Variants in CCDC198 observed in about 807,000 individuals in gnomAD.
The protein encoded by CCDC198 is factor associated with metabolism and energy.
A neutral mutation model predicts 35.6 loss-of-function variants in CCDC198; 18 were observed. The observed-to-expected ratio is 0.51, with a 90% CI of 0.35 to 0.75. The LOEUF (loss-of-function observed/expected upper bound fraction) is 0.75. Ranked by LOEUF, CCDC198 falls within the 30% of genes least tolerant of loss-of-function variation. The pLI, the probability that CCDC198 is intolerant of heterozygous loss-of-function variation, is 0.01. For missense variants in CCDC198, 365 were observed against 343.7 expected (o/e 1.06, Z -0.49); for synonymous variants, 119 against 113.4 (o/e 1.05, Z -0.31).
At position 57,470,814 on chromosome 14, in the gene CCDC198, A is replaced by G. The variant is rs1327717086; in HGVS notation, c.*541T>C. 1 of 152,886 alleles carries G rather than the reference A, an allele frequency of 6.5e-6. No individual in the cohort carries two copies. Among genetic ancestry groups the G allele is most frequent in the East Asian group, 1.9e-4 (1 of 5,208 alleles). 9.5% of individuals were successfully genotyped at this position (152,886 alleles called of 1,614,324 possible). On this transcript the variant is annotated 3_prime_UTR_variant, in exon 6 of 6. Transcript: ENST00000216445. The stretch of plus-strand genomic sequence containing the variant: ...CAACAGAACATGGTGGAAGTGATGC[A>G]AAGTCAGTTCTATGACTAGCTTTTA...
At chr14:57,490,899 C>G in intron 2 of CCDC198, 90 bp downstream of exon 2, 1 of 1,210,048 alleles carries the variant, frequency 8.3e-7, no homozygotes, top group South Asian at 1.4e-5. Flanking sequence ...TGGTCCTTAT[C>G]AATATCCCTC....
chr14:57,493,727 G>C lies in CCDC198; in HGVS notation c.-12C>G, dbSNP rs781698817. Reference sequence around the variant, plus strand: ...TGACTCAGGCCCATTTCATGTGAAAGACATTCAGAGGAAAGCTGCGAGGGA... The same window carrying C: ...TGACTCAGGCCCATTTCATGTGAAACACATTCAGAGGAAAGCTGCGAGGGA... On this transcript the variant is annotated 5_prime_UTR_variant, in exon 1 of 6. Coordinates refer to ENST00000216445, the MANE Select transcript of CCDC198 (RefSeq NM_018168.4). The C allele has an allele frequency of 6.2e-7, 1 of 1,607,694 alleles. No homozygotes were observed. The highest frequency in any genetic ancestry group is 1.3e-5 in the African/African-American group (1 of 74,856).
intron 4 of CCDC198, 126 bp from the exon 5 acceptor site, chr14:57,480,880 A>T: frequency 1.1e-6 from 1 of 910,162 alleles, no homozygotes; most frequent in South Asian, 1.8e-5. Context: ...TCTAACCAGA[A>T]CATGGTTTTC....
chr14:57,486,489 AATTC>A (rs1049358690), intron 2 of CCDC198, among the ~76,000 whole-genome samples: 1 of 152,020 alleles, frequency 6.6e-6, no homozygotes, highest in African/African-American at 2.4e-5. Flanking sequence ...AAAAAAAAGA[AATTC>A]TTGGCCCCTT....
rs896598705 is a variant in CCDC198 at position 57,483,299 on chromosome 14, A to C, written c.307-148T>G. On this transcript the variant is annotated intron_variant, in intron 2 of 5. Coordinates refer to ENST00000216445, the MANE Select transcript of CCDC198 (RefSeq NM_018168.4). ...GGAAAGGTGATTCTAACAGCATTAC[A>C]GTTATATTGGTACAAAGGGCTTTTC... 5.0e-6 allele frequency: 6 copies of C among 1,197,308 alleles called. No individual in the cohort carries two copies. The African/African-American group carries it at 7.6e-5, about 15-fold the overall frequency. 74.2% of individuals were successfully genotyped at this position (1,197,308 alleles called of 1,614,324 possible). A position where few individuals can be genotyped will look rare whatever the true frequency, so the allele number is the denominator to read the frequency against.
At chr14:57,477,540 A>G in intron 5 of CCDC198, among the ~76,000 whole-genome samples, 1 of 152,228 alleles carries the variant, frequency 6.6e-6, no homozygotes, top group African/African-American at 2.4e-5. Flanking sequence ...AGATTCTCAT[A>G]CGGTTAAAGT....
chr14:57,471,553 T>C lies in CCDC198; in HGVS notation c.693A>G (p.Ala231=), dbSNP rs2066819416. The C allele has an allele frequency of 6.2e-7, 1 of 1,601,678 alleles. No individual in the cohort carries two copies. The highest frequency in any genetic ancestry group is 8.5e-7 in the Non-Finnish European group (1 of 1,175,864). The change falls in exon 6 of 6, where the codon GCA becomes GCG. Residue 231 remains alanine, a synonymous_variant. Coordinates refer to ENST00000216445, the MANE Select transcript of CCDC198 (RefSeq NM_018168.4). ...TTTTCCAGGGACAGTAGTTATTCAC[T>C]GCTTGATGTTTCAAAAATTCTGTAT... ...SKNTEFLKHQ[A]VNNYCPWKIG...
chr14:57,477,800 C>T (rs983129206), intron 5 of CCDC198, among the ~76,000 whole-genome samples: 5 of 152,080 alleles, frequency 3.3e-5, no homozygotes, highest in Admixed American at 2.6e-4. Context: ...TGGGTTCAAG[C>T]GATTCTCTTG....
chr14:57,490,793 G>GTCTTAAA (rs1321641339), intron 2 of CCDC198, 196 bp downstream of exon 2: 2 of 564,490 alleles, frequency 3.5e-6, no homozygotes, highest in Non-Finnish European at 6.0e-6. Context: ...TCGGTGGCTG[G>GTCTTAAA]TCTTAAAAGC....
At chr14:57,475,546 C>CA in intron 5 of CCDC198, 1 of 631,650 alleles carries the variant, frequency 1.6e-6, no homozygotes, top group Non-Finnish European at 2.4e-6. Context: ...GTCTCTACTA[C>CA]AAATACAAAA....
At chr14:57,487,645 C>A (rs1594813531) in intron 2 of CCDC198, among the ~76,000 whole-genome samples, 2 of 152,274 alleles carry the variant, frequency 1.3e-5, no homozygotes, top group Admixed American at 6.5e-5. Context: ...AACGCTAGTT[C>A]ATGACTTGCT....
chr14:57,486,556 T>G (rs1019767030), intron 2 of CCDC198, among the ~76,000 whole-genome samples: 2 of 152,160 alleles, frequency 1.3e-5, no homozygotes, highest in African/African-American at 2.4e-5. Context: ...AATAAATATT[T>G]TCAAAACTCT....
chr14:57,480,463 TG>T, intron 5 of CCDC198, 131 bp downstream of exon 5: 2 of 1,247,838 alleles, frequency 1.6e-6, no homozygotes, highest in Admixed American at 2.4e-5. Context: ...CACTATATTC[TG>T]GGAAGTAAAA....
rs534969848 is a variant in CCDC198, at chr14:57,470,086, C to T, written c.*1269G>A. On this transcript the variant is annotated 3_prime_UTR_variant, in exon 6 of 6. Transcript: ENST00000216445. ...TTTAGAATTGAACATTTATAAGATT[C>T]GCTTTATGTTTTAAGGAGCTCTAAA... 8 of 152,124 alleles carry T rather than the reference C, an allele frequency of 5.3e-5. No homozygotes were observed. The South Asian group carries it at 6.2e-4, about 12-fold the overall frequency. 9.4% of individuals were successfully genotyped at this position (152,124 alleles called of 1,614,324 possible).
chr14:57,477,206 C>T (rs763320353), intron 5 of CCDC198, among the ~76,000 whole-genome samples: 5 of 152,218 alleles, frequency 3.3e-5, no homozygotes, highest in African/African-American at 1.2e-4. Flanking sequence ...GTATCCTATA[C>T]TTTTACATGT....
intron 3 of CCDC198, among the ~76,000 whole-genome samples, chr14:57,482,625 AT>A (rs2067226039): frequency 6.6e-6 from 1 of 152,184 alleles, no homozygotes; most frequent in Admixed American, 6.5e-5. Flanking sequence ...CCCAGGATTA[AT>A]TTTTGGTGAG....
At position 57,469,804 on chromosome 14, in the gene CCDC198, C is replaced by T. The variant is rs1273930033; in HGVS notation, c.*1551G>A. ...TCACCTGACATCTCAGGCTTGTTAT[C>T]TTCTTAGTTTCTGATGTGAATGCAT... is the stretch of plus-strand genomic sequence containing the variant. On this transcript the variant is annotated 3_prime_UTR_variant, in exon 6 of 6. Coordinates refer to ENST00000216445, the MANE Select transcript of CCDC198 (RefSeq NM_018168.4). 1 of 152,146 alleles carries T rather than the reference C, an allele frequency of 6.6e-6. No homozygotes were observed. The highest frequency in any genetic ancestry group is 1.5e-5 in the Non-Finnish European group (1 of 68,024). 9.4% of individuals were successfully genotyped at this position (152,146 alleles called of 1,614,324 possible).
In CCDC198 at chr14:57,491,081, T is replaced by A; in HGVS notation, c.224-10A>T. The A allele has an allele frequency of 6.2e-7, 1 of 1,608,944 alleles. No individual in the cohort carries two copies. Among genetic ancestry groups the A allele is most frequent in the South Asian group, 1.1e-5 (1 of 90,512 alleles). On this transcript the variant is annotated splice_polypyrimidine_tract_variant and intron_variant, in intron 1 of 5. Coordinates refer to ENST00000216445, the MANE Select transcript of CCDC198 (RefSeq NM_018168.4). ...TACATGTCTCTGGATGCTTGAAGGA[T>A]TGGGGAAGAAACAGGAATAAAACAT...
intron 5 of CCDC198, chr14:57,478,839 C>T: frequency 1.8e-6 from 2 of 1,123,202 alleles, no homozygotes; most frequent in East Asian, 6.2e-5. Flanking sequence ...CTTGTTTCTC[C>T]AAGTAGGAGC....
Sources: allele counts gnomAD v4.1 joint callset (sites outside exome capture counted in the v4.1 genomes callset), GRCh38; gene constraint gnomAD v4.1.1; transcripts MANE v1.5; gene names NCBI Gene and HGNC (gene_info 2026-07-23, HGNC 2026-07-21).